TBC1D22B: variants seen among roughly 807,000 people sequenced by gnomAD.
TBC1D22B encodes the protein chromosome 6 open reading frame 197.
In TBC1D22B, 32 loss-of-function variants were observed where a neutral mutation model predicts 69.1. The ratio of observed to expected loss-of-function variants is 0.46; its 90% CI spans 0.35 to 0.62. The LOEUF (loss-of-function observed/expected upper bound fraction) is 0.62. Among genes scored for constraint, TBC1D22B ranks in the 20% least tolerant of loss-of-function variants. The pLI is 0.00. For synonymous variants in TBC1D22B, 206 were observed against 229.8 expected (o/e 0.90, Z 0.94); for missense variants, 462 against 630.9 (o/e 0.73, Z 2.87).
intron 7 of TBC1D22B, among the ~76,000 whole-genome samples, chr6:37,289,174 A>G (rs1312492529): frequency 3.3e-5 from 5 of 152,226 alleles, no homozygotes; most frequent in Admixed American, 1.3e-4. Flanking sequence ...CTGGAATTAC[A>G]AGGCGTGAGC....
intron 3 of TBC1D22B, among the ~76,000 whole-genome samples, chr6:37,281,159 G>A (rs1226383284): frequency 6.6e-6 from 1 of 152,208 alleles, no homozygotes; most frequent in Non-Finnish European, 1.5e-5. Context: ...GGTAATACAA[G>A]AGTTTTAGAG....
rs1470541520 is a variant in TBC1D22B at position 37,282,204 on chromosome 6, C to G, written c.441C>G (p.Asn147Lys). 3 of 1,614,076 alleles carry G rather than the reference C, an allele frequency of 1.9e-6. No individual in the cohort carries two copies. The African/African-American group carries it at 4.0e-5, about 22-fold the overall frequency. The change falls in exon 4 of 13, where the codon AAC becomes AAG. Residue 147 changes from asparagine to lysine, a missense_variant. This residue lies in a region of TBC1D22B where 237 missense variants were observed against 255.4 expected (regional missense o/e 0.93). Transcript: ENST00000373491. ...SRNSSDTCLR[N>K]PLHKQQSLPL... ...TCTCAGGTGATACATGCCTGAGGAA[C>G]CCACTCCACAAACAGCAATCACTCC...
chr6:37,315,830 C>T, intron 10 of TBC1D22B, among the ~76,000 whole-genome samples: 1 of 152,188 alleles, frequency 6.6e-6, no homozygotes, highest in East Asian at 1.9e-4. Context: ...CCACCTCGGC[C>T]TCCCTAAGTG....
chr6:37,323,614 T>C (rs1339143237), intron 12 of TBC1D22B, among the ~76,000 whole-genome samples: 1 of 152,232 alleles, frequency 6.6e-6, no homozygotes, highest in Non-Finnish European at 1.5e-5. Flanking sequence ...GGTTATTAAA[T>C]AGTGCTAAGC....
At chr6:37,286,146 A>G (rs1373812940) in intron 6 of TBC1D22B, among the ~76,000 whole-genome samples, 4 of 152,170 alleles carry the variant, frequency 2.6e-5, no homozygotes, top group Non-Finnish European at 5.9e-5. Flanking sequence ...TGTGAAGCCT[A>G]TTGCCATTTG....
intron 8 of TBC1D22B, among the ~76,000 whole-genome samples, chr6:37,292,201 G>A (rs557742049): frequency 3.3e-5 from 5 of 152,280 alleles, no homozygotes; most frequent in African/African-American, 1.2e-4. Context: ...GGCAGAGCTA[G>A]AACTAAAACC....
At chr6:37,260,571 C>T (rs1038278737) in intron 1 of TBC1D22B, among the ~76,000 whole-genome samples, 1 of 152,150 alleles carries the variant, frequency 6.6e-6, no homozygotes, top group Non-Finnish European at 1.5e-5. Flanking sequence ...TGGTTTTGTG[C>T]AACCATCACC....
In TBC1D22B at chr6:37,282,337, C is replaced by T; in HGVS notation, c.574C>T (p.Leu192Phe). 1 of 1,610,462 alleles carries T rather than the reference C, an allele frequency of 6.2e-7. No homozygotes were observed. Among genetic ancestry groups the T allele is most frequent in the Non-Finnish European group, 8.5e-7 (1 of 1,177,964 alleles). ...EKTRLEKFRQ[L>F]LSSQNTDLDE... The stretch of plus-strand genomic sequence containing the variant: ...AACCCGCCTAGAAAAATTCCGTCAA[C>T]TTCTCTCCAGCCAGAACACTGACTT... The change falls in exon 4 of 13, where the codon CTT becomes TTT. Residue 192 changes from leucine to phenylalanine, a missense_variant. Transcript: ENST00000373491.
chr6:37,319,344 G>T (rs1406115498), intron 12 of TBC1D22B, among the ~76,000 whole-genome samples: 1 of 152,252 alleles, frequency 6.6e-6, no homozygotes, highest in East Asian at 1.9e-4. Flanking sequence ...GAGCCGGATA[G>T]TAAGAGCATG....
At chr6:37,307,041 C>T (rs1019431963) in intron 8 of TBC1D22B, among the ~76,000 whole-genome samples, 5 of 152,006 alleles carry the variant, frequency 3.3e-5, no homozygotes, top group East Asian at 1.9e-4. Context: ...CCAGGTTTAG[C>T]GAGGGGCCTC....
At chr6:37,294,728 A>G (rs1767302719) in intron 8 of TBC1D22B, among the ~76,000 whole-genome samples, 2 of 152,238 alleles carry the variant, frequency 1.3e-5, no homozygotes, top group Non-Finnish European at 2.9e-5. Flanking sequence ...TTTTGAGGCC[A>G]CTGTTGAGAC....
At chr6:37,294,838 T>C (rs1195749174) in intron 8 of TBC1D22B, among the ~76,000 whole-genome samples, 1 of 152,220 alleles carries the variant, frequency 6.6e-6, no homozygotes, top group African/African-American at 2.4e-5. Flanking sequence ...AGGAGATTAA[T>C]GTTTTCATAC....
At chr6:37,309,670 G>T (rs1767843755) in intron 8 of TBC1D22B, among the ~76,000 whole-genome samples, 1 of 152,182 alleles carries the variant, frequency 6.6e-6, no homozygotes, top group Non-Finnish European at 1.5e-5. Context: ...TAGTCCTGGA[G>T]AAGAGTCTGC....
chr6:37,263,523 G>A (rs1766175942), intron 1 of TBC1D22B, among the ~76,000 whole-genome samples: 1 of 152,210 alleles, frequency 6.6e-6, no homozygotes, highest in Admixed American at 6.5e-5. Context: ...CTTGGGAAGT[G>A]AAGAAACAGG....
At chr6:37,258,207 C>T (rs1765898965) in intron 1 of TBC1D22B, 2 of 549,226 alleles carry the variant, frequency 3.6e-6, no homozygotes, top group Non-Finnish European at 6.5e-6. Context: ...GGAGGGGTGA[C>T]CTCAGCGGGA....
chr6:37,262,714 G>T (rs1200804915), intron 1 of TBC1D22B, among the ~76,000 whole-genome samples: 1 of 152,196 alleles, frequency 6.6e-6, no homozygotes, highest in African/African-American at 2.4e-5. Flanking sequence ...TAGATCACCT[G>T]TTCTGGAAGA....
intron 10 of TBC1D22B, among the ~76,000 whole-genome samples, chr6:37,316,256 C>T (rs530814908): frequency 2.0e-5 from 3 of 152,178 alleles, no homozygotes; most frequent in East Asian, 1.9e-4. Context: ...GAGCCCCTTT[C>T]GCTGGCAGTG....
chr6:37,269,328 C>T (rs143090586), intron 1 of TBC1D22B, among the ~76,000 whole-genome samples: 14 of 152,308 alleles, frequency 9.2e-5, no homozygotes, highest in South Asian at 2.1e-4. Flanking sequence ...CTCTAAAGCC[C>T]GTTACCTTTC....
chr6:37,275,357 G>T (rs559825143), intron 2 of TBC1D22B, among the ~76,000 whole-genome samples: 1 of 152,048 alleles, frequency 6.6e-6, no homozygotes, highest in African/African-American at 2.4e-5. Flanking sequence ...TTCCTACAGG[G>T]TGTGAGAGTT....
Sources: gnomAD v4.1 joint callset for allele counts (sites outside exome capture counted in the v4.1 genomes callset) on GRCh38, gnomAD v4.1.1 for gene constraint, gnomAD v4.1.1 regional missense constraint, MANE v1.5 for transcripts, NCBI Gene and HGNC (gene_info 2026-07-23, HGNC 2026-07-21) for gene names.